Variants in DYNC1LI1 observed in about 807,000 individuals in gnomAD.
DYNC1LI1 encodes cytoplasmic dynein 1 light intermediate chain 1.
Under a neutral mutation model 63.8 loss-of-function variants are expected in DYNC1LI1, and 19 were observed. The ratio of observed to expected loss-of-function variants is 0.30; its 90% CI spans 0.21 to 0.44. The LOEUF (loss-of-function observed/expected upper bound fraction) is 0.44. Among genes scored for constraint, DYNC1LI1 ranks in the 20% least tolerant of loss-of-function variants. DYNC1LI1 has a pLI of 1.00. For synonymous variants in DYNC1LI1, 225 were observed against 232.3 expected, an observed-to-expected ratio of 0.97 and a Z score of 0.28; for missense variants, 565 against 630.2, an observed-to-expected ratio of 0.90 and a Z score of 1.11.
At chr3:32,570,458 G>C in intron 1 of DYNC1LI1, 39 bp from the exon 2 acceptor site, 3 of 1,549,276 alleles carry the variant, frequency 1.9e-6, no homozygotes, top group Non-Finnish European at 2.6e-6. Context: ...CCGGAGGCCG[G>C]AGCCGCAGCG....
chr3:32,570,342 T>A lies in DYNC1LI1; in HGVS notation c.220+4A>T. On this transcript the variant is annotated splice_donor_region_variant and intron_variant, in intron 2 of 12. Transcript: ENST00000273130. ...CGGGGCGGGGCGAGGCAGGGAACAC[T>A]TACCCAGCAGTAGCACGTTCTTCCC... is the stretch of plus-strand genomic sequence containing the variant. 1 of 1,596,402 alleles carries A rather than the reference T, an allele frequency of 6.3e-7. No homozygotes were observed. Among genetic ancestry groups the A allele is most frequent in the Non-Finnish European group, 8.5e-7 (1 of 1,171,392 alleles).
intron 4 of DYNC1LI1, among the ~76,000 whole-genome samples, chr3:32,544,174 T>C (rs775365305): frequency 1.3e-5 from 2 of 152,254 alleles, no homozygotes; most frequent in African/African-American, 2.4e-5. Context: ...GTACAAAATA[T>C]GTACTTTATA....
chr3:32,566,669 T>C (rs1575161882), intron 2 of DYNC1LI1: 1 of 420,464 alleles, frequency 2.4e-6, no homozygotes, highest in Non-Finnish European at 4.7e-6. Flanking sequence ...ACCTAGGAGG[T>C]GGAGGTTGCA....
At chr3:32,527,227 G>A (rs1031032867) in intron 12 of DYNC1LI1, among the ~76,000 whole-genome samples, 2 of 152,092 alleles carry the variant, frequency 1.3e-5, no homozygotes, top group Non-Finnish European at 2.9e-5. Context: ...AACCCGGCAG[G>A]TGGAGGTTGC....
At chr3:32,543,562 C>T (rs1479924103) in intron 4 of DYNC1LI1, among the ~76,000 whole-genome samples, 1 of 147,804 alleles carries the variant, frequency 6.8e-6, no homozygotes, top group Non-Finnish European at 1.5e-5. Context: ...CCATGCTGGG[C>T]TAATTTTTTT....
chr3:32,551,837 T>C (rs1310016687), intron 2 of DYNC1LI1, among the ~76,000 whole-genome samples: 1 of 152,164 alleles, frequency 6.6e-6, no homozygotes, highest in East Asian at 1.9e-4. Context: ...CTTCTATCCC[T>C]ACCCAACATT....
At chr3:32,529,959 C>T (rs1575147343) in intron 10 of DYNC1LI1, among the ~76,000 whole-genome samples, 1 of 152,102 alleles carries the variant, frequency 6.6e-6, no homozygotes, top group East Asian at 1.9e-4. Context: ...GACTTGTATT[C>T]TACTAGCTTT....
intron 7 of DYNC1LI1, 96 bp from the exon 8 acceptor site, chr3:32,533,193 A>C (rs1463514159): frequency 1.4e-6 from 2 of 1,406,522 alleles, no homozygotes; most frequent in East Asian, 5.7e-5. Flanking sequence ...TCATGAAGTC[A>C]ATTTGAACAA....
At chr3:32,548,089 A>C (rs1465188981) in intron 2 of DYNC1LI1, among the ~76,000 whole-genome samples, 1 of 152,080 alleles carries the variant, frequency 6.6e-6, no homozygotes, top group African/African-American at 2.4e-5. Context: ...CATCATATGC[A>C]ACAATATGAA....
chr3:32,566,704 C>G, intron 2 of DYNC1LI1: 3 of 437,028 alleles, frequency 6.9e-6, no homozygotes, highest in South Asian at 4.8e-5. Context: ...TGCCATTACA[C>G]TCTAGCCGGG....
intron 4 of DYNC1LI1, among the ~76,000 whole-genome samples, chr3:32,543,196 C>A (rs62252796): frequency 0.064 from 9,520 of 149,888 alleles, 343 homozygotes; most frequent in Non-Finnish European, 0.078. Flanking sequence ...TAGGGAAGAA[C>A]AATAACAACA....
intron 4 of DYNC1LI1, 116 bp from the exon 5 acceptor site, chr3:32,541,322 G>C: frequency 3.1e-6 from 2 of 650,394 alleles, no homozygotes; most frequent in South Asian, 2.2e-5. Flanking sequence ...TGTAAGAGAA[G>C]AAACAAAAAG....
At chr3:32,553,131 G>C (rs990180826) in intron 2 of DYNC1LI1, among the ~76,000 whole-genome samples, 1 of 152,130 alleles carries the variant, frequency 6.6e-6, no homozygotes, top group African/African-American at 2.4e-5. Flanking sequence ...CCCAGGAGTT[G>C]AAGGCCAGTC....
chr3:32,560,096 A>C (rs1261398175), intron 2 of DYNC1LI1, among the ~76,000 whole-genome samples: 1 of 152,142 alleles, frequency 6.6e-6, no homozygotes, highest in Non-Finnish European at 1.5e-5. Flanking sequence ...TCCCTCCAAC[A>C]TGTCAAGGGG....
chr3:32,540,497 T>C (rs1198500121), intron 5 of DYNC1LI1, among the ~76,000 whole-genome samples: 2 of 151,836 alleles, frequency 1.3e-5, no homozygotes, highest in African/African-American at 4.8e-5. Context: ...CTGGCCAACA[T>C]GGTGAAAGCC....
intron 2 of DYNC1LI1, among the ~76,000 whole-genome samples, chr3:32,559,726 A>T (rs1575159249): frequency 1.3e-5 from 2 of 152,310 alleles, no homozygotes; most frequent in Admixed American, 1.3e-4. Context: ...ACATCAGGAG[A>T]CAGGGAATTC....
chr3:32,539,357 A>C (rs529354568), intron 5 of DYNC1LI1, among the ~76,000 whole-genome samples: 1 of 152,130 alleles, frequency 6.6e-6, no homozygotes, highest in Non-Finnish European at 1.5e-5. Flanking sequence ...TACTCCAACA[A>C]TGAATAAATT....
intron 2 of DYNC1LI1, among the ~76,000 whole-genome samples, chr3:32,560,300 T>A (rs1470604417): frequency 6.6e-6 from 1 of 151,986 alleles, no homozygotes; most frequent in Non-Finnish European, 1.5e-5. Flanking sequence ...CCAAGCCTGG[T>A]GGCACGCCTG....
At chr3:32,537,152 C>T (rs1222158081) in intron 5 of DYNC1LI1, 48 bp from the exon 6 acceptor site, 2 of 1,064,946 alleles carry the variant, frequency 1.9e-6, no homozygotes, top group Non-Finnish European at 2.7e-6. Context: ...ATAATCATAA[C>T]TAAATATAGT....
Sources: allele counts gnomAD v4.1 joint callset (sites outside exome capture counted in the v4.1 genomes callset), GRCh38; gene constraint gnomAD v4.1.1; transcripts MANE v1.5; gene names NCBI Gene and HGNC (gene_info 2026-07-23, HGNC 2026-07-21).